The following MROH1 variants were observed in gnomAD, a reference collection of about 807,000 sequenced individuals.
The protein encoded by MROH1 is maestro heat-like repeat-containing protein family member 1.
A neutral mutation model predicts 116.5 loss-of-function variants in MROH1; 117 were observed. The observed-to-expected ratio is 1.00, with a 90% CI of 0.86 to 1.17. MROH1 has a LOEUF of 1.17. Ranked by LOEUF, MROH1 falls within the 50% of genes most tolerant of loss-of-function variation. The pLI is 0.00. For missense variants in MROH1, 1,873 were observed against 1,338.5 expected (o/e 1.40, Z -6.23); for synonymous variants, 921 against 583.9 (o/e 1.58, Z -8.32).
At chr8:144,240,520 C>T (rs2132892405) in intron 19 of MROH1, 50 bp from the exon 20 acceptor site, 1 of 712,740 alleles carries the variant, frequency 1.4e-6, no homozygotes, top group East Asian at 2.7e-5. Context: ...CTCCAGCCAG[C>T]CCTGTGAGGG....
chr8:144,195,590 T>C (rs1317301560), intron 10 of MROH1, among the ~76,000 whole-genome samples: 1 of 151,020 alleles, frequency 6.6e-6, no homozygotes, highest in African/African-American at 2.4e-5. Context: ...GATCCTCTTG[T>C]CTCAGCCTCC....
chr8:144,194,353 G>C (rs1564445627), intron 10 of MROH1, among the ~76,000 whole-genome samples: 1 of 152,190 alleles, frequency 6.6e-6, no homozygotes, highest in South Asian at 2.1e-4. Context: ...GTGAGCCACT[G>C]TGCCTGGCCT....
chr8:144,234,226 G>A (rs1839542109), intron 14 of MROH1, among the ~76,000 whole-genome samples: 1 of 152,002 alleles, frequency 6.6e-6, no homozygotes, highest in African/African-American at 2.4e-5. Context: ...AGCCAGGACG[G>A]TCTCGATCTC....
At chr8:144,155,937 TTTC>T (rs1278655823) in intron 1 of MROH1, among the ~76,000 whole-genome samples, 1 of 151,780 alleles carries the variant, frequency 6.6e-6, no homozygotes, top group African/African-American at 2.4e-5. Flanking sequence ...CCGGCCAGTT[TTTC>T]TTAAGTAACA....
chr8:144,152,397 T>G (rs1587690679), intron 1 of MROH1, among the ~76,000 whole-genome samples: 3 of 151,992 alleles, frequency 2.0e-5, no homozygotes, highest in Admixed American at 6.6e-5. Context: ...AAAAAAATTT[T>G]TTTTTTTTTT....
chr8:144,261,203 A>G lies in MROH1; in HGVS notation c.4761A>G (p.Ala1587=). The G allele has an allele frequency of 1.3e-6, 1 of 764,674 alleles. No homozygotes were observed. The highest frequency in any genetic ancestry group is 2.4e-6 in the Non-Finnish European group (1 of 417,542). 47.4% of individuals were successfully genotyped at this position (764,674 alleles called of 1,614,324 possible). ...KSSWENVRAA[A]PLFTGFLVLH... ...GCTGGGAGAACGTCCGAGCTGCTGC[A>G]CCCCTGTTCACCGGTAAGCACCACC... is the stretch of plus-strand genomic sequence containing the variant. The change falls in exon 42 of 44, where the codon GCA becomes GCG. Residue 1587 remains alanine (A), a synonymous_variant. Transcript: ENST00000326134.
At chr8:144,221,851 G>A (rs1836819841) in intron 13 of MROH1, among the ~76,000 whole-genome samples, 1 of 152,154 alleles carries the variant, frequency 6.6e-6, no homozygotes, top group Non-Finnish European at 1.5e-5. Flanking sequence ...GGGTGGGGAT[G>A]CTGGACGTGA....
At chr8:144,160,099 G>A (rs535742099) in intron 1 of MROH1, among the ~76,000 whole-genome samples, 2 of 152,324 alleles carry the variant, frequency 1.3e-5, no homozygotes, top group African/African-American at 2.4e-5. Flanking sequence ...TGGATGCCAG[G>A]CGTTGCTTTT....
chr8:144,178,142 T>G (rs536366134), intron 4 of MROH1, among the ~76,000 whole-genome samples: 188 of 136,328 alleles, frequency 1.4e-3, no homozygotes, highest in African/African-American at 4.4e-3. Context: ...GTTTTTTGTG[T>G]TTTTTTTTTG....
intron 14 of MROH1, among the ~76,000 whole-genome samples, chr8:144,232,062 G>A (rs913787481): frequency 6.6e-5 from 10 of 152,112 alleles, no homozygotes; most frequent in African/African-American, 2.4e-4. Flanking sequence ...CTAGCGATTT[G>A]GAAATGTACA....
intron 34 of MROH1, 56 bp from the exon 35 acceptor site, chr8:144,255,453 C>T (rs1843565487): frequency 1.7e-5 from 13 of 760,160 alleles, no homozygotes; most frequent in South Asian, 9.8e-5. Flanking sequence ...GGGTGCAGGG[C>T]TCAGATCTCC....
At chr8:144,227,474 A>C (rs1231536202) in intron 14 of MROH1, among the ~76,000 whole-genome samples, 1 of 152,010 alleles carries the variant, frequency 6.6e-6, no homozygotes. Flanking sequence ...GCGAAACCCC[A>C]TTTCCACAAA....
chr8:144,245,070 G>C, intron 28 of MROH1, 86 bp from the exon 29 acceptor site: 1 of 774,374 alleles, frequency 1.3e-6, no homozygotes, highest in Non-Finnish European at 2.4e-6. Flanking sequence ...GCCTGGCAGG[G>C]ACACTGAGCT....
Position 144,239,599 on chromosome 8 carries a change from G to A in MROH1, c.1633-15G>A, listed in dbSNP as rs1399308422. The A allele has an allele frequency of 1.2e-5, 9 of 771,010 alleles. No individual in the cohort carries two copies. The highest frequency in any genetic ancestry group is 2.4e-4 in the Middle Eastern group (1 of 4,220). 47.8% of individuals were successfully genotyped at this position (771,010 alleles called of 1,614,324 possible). A position where few individuals can be genotyped will look rare whatever the true frequency, so the allele number is the denominator to read the frequency against. On this transcript the variant is annotated splice_polypyrimidine_tract_variant and intron_variant, in intron 17 of 43. Transcript: ENST00000326134. ...CTCCCTGCTCAGACCCGGCTCCCAC[G>A]CTGCCTCTTTTCAGGTTGTGTCTTC...
intron 1 of MROH1, among the ~76,000 whole-genome samples, chr8:144,154,720 T>A (rs1817632085): frequency 2.0e-5 from 3 of 151,252 alleles, no homozygotes; most frequent in Non-Finnish European, 4.4e-5. Flanking sequence ...CAGGCTGGTG[T>A]ACAATGGCAT....
intron 7 of MROH1, among the ~76,000 whole-genome samples, chr8:144,188,927 G>C (rs1398969090): frequency 6.6e-6 from 1 of 152,098 alleles, no homozygotes; most frequent in East Asian, 1.9e-4. Context: ...AATCAGAAGG[G>C]GAGACTACAG....
intron 21 of MROH1, 33 bp downstream of exon 21, chr8:144,241,144 AC>A (rs1840903035): frequency 5.5e-6 from 4 of 728,728 alleles, no homozygotes; most frequent in Middle Eastern, 3.3e-4. Flanking sequence ...AGCCCCAGAC[AC>A]CCCAGGGCTG....
chr8:144,240,015 G>C, intron 18 of MROH1, 86 bp from the exon 19 acceptor site: 1 of 727,340 alleles, frequency 1.4e-6, no homozygotes, highest in Non-Finnish European at 2.6e-6. Flanking sequence ...TCTGTGCTGA[G>C]CATCCCCAGC....
intron 33 of MROH1, among the ~76,000 whole-genome samples, chr8:144,254,040 A>G (rs1263093126): frequency 6.6e-6 from 1 of 152,060 alleles, no homozygotes; most frequent in Non-Finnish European, 1.5e-5. Context: ...CTTGACAGCC[A>G]TTGTTTCCTC....
Sources: gnomAD v4.1 joint callset for allele counts (sites outside exome capture counted in the v4.1 genomes callset) on GRCh38, gnomAD v4.1.1 for gene constraint, MANE v1.5 for transcripts, NCBI Gene and HGNC (gene_info 2026-07-23, HGNC 2026-07-21) for gene names.